RXFP1: variants seen among roughly 807,000 people sequenced by gnomAD.
RXFP1 encodes the protein relaxin family peptide receptor 1.
Under a neutral mutation model 89.8 loss-of-function variants are expected in RXFP1, and 73 were observed. The ratio of observed to expected loss-of-function variants is 0.81; its 90% CI spans 0.67 to 0.99. The LOEUF is 0.99. RXFP1 is among the 50% of genes least tolerant of loss of function. RXFP1 has a pLI of 0.00. For missense variants in RXFP1, 793 were observed against 895.5 expected (o/e 0.89, Z 1.46); for synonymous variants, 277 against 305.5 (o/e 0.91, Z 0.97).
At chr4:158,616,553 AT>A (rs150214475) in intron 8 of RXFP1, among the ~76,000 whole-genome samples, 37,694 of 133,164 alleles carry the variant, frequency 0.28, 5,470 homozygotes, top group Middle Eastern at 0.39. Context: ...GGTTTAGGCT[AT>A]TTTTTTTTTT....
At chr4:158,624,072 A>G (rs1766218947) in intron 9 of RXFP1, among the ~76,000 whole-genome samples, 1 of 152,126 alleles carries the variant, frequency 6.6e-6, no homozygotes, top group South Asian at 2.1e-4. Context: ...CCTAATCCTA[A>G]TAGATATGAA....
intron 1 of RXFP1, among the ~76,000 whole-genome samples, chr4:158,533,326 T>G (rs886085541): frequency 3.3e-5 from 5 of 152,206 alleles, no homozygotes; most frequent in South Asian, 2.1e-4. Context: ...CAGTCTAAAT[T>G]TCTAGTTTTA....
rs1230528178 is a variant in RXFP1 at position 158,652,042 on chromosome 4, A to G, written c.2261A>G (p.Asn754Ser). The G allele has an allele frequency of 2.5e-6, 4 of 1,610,806 alleles. No homozygotes were observed. In the African/African-American group the frequency reaches 5.3e-5, roughly 22 times the overall value. Residue 754 changes from asparagine (N) to serine (S), a missense_variant, in exon 18 of 18, where the codon AAT becomes AGT. By Grantham distance (46) the Asn-to-Ser change is conservative (BLOSUM62 1). Coordinates refer to ENST00000307765, the MANE Select transcript of RXFP1 (RefSeq NM_021634.4). ...MSLISQSTRLNSYS is the reference protein window; with the variant it reads ...MSLISQSTRLSSYS ...CTGATTTCTCAATCAACGAGACTCA[A>G]TTCCTATTCATGACTGACTCTGAAA... is the stretch of plus-strand genomic sequence containing the variant.
chr4:158,574,183 C>T (rs940926958), intron 2 of RXFP1, among the ~76,000 whole-genome samples: 2 of 152,120 alleles, frequency 1.3e-5, no homozygotes, highest in Non-Finnish European at 2.9e-5. Context: ...GATTTCTCAC[C>T]TGTCAAGAAA....
chr4:158,553,496 AG>A (rs1463753324), intron 1 of RXFP1, among the ~76,000 whole-genome samples: 4 of 152,118 alleles, frequency 2.6e-5, no homozygotes, highest in African/African-American at 9.7e-5. Context: ...ACAGAGGCAA[AG>A]ACAGCTCATC....
intron 4 of RXFP1, among the ~76,000 whole-genome samples, chr4:158,601,595 G>A (rs759437046): frequency 5.3e-5 from 8 of 152,262 alleles, no homozygotes; most frequent in South Asian, 2.1e-4. Context: ...AGACTCATAC[G>A]TAGTCCCAGT....
intron 1 of RXFP1, among the ~76,000 whole-genome samples, chr4:158,558,579 G>C (rs116250655): frequency 0.016 from 2,445 of 152,168 alleles, 34 homozygotes; most frequent in Non-Finnish European, 0.026. Flanking sequence ...GGTTGGTGGG[G>C]AGCCACAAAA....
chr4:158,533,492 C>T (rs77454249), intron 1 of RXFP1, among the ~76,000 whole-genome samples: 1 of 152,090 alleles, frequency 6.6e-6, no homozygotes, highest in Non-Finnish European at 1.5e-5. Flanking sequence ...CAAATCATAT[C>T]ATATCAAATT....
intron 1 of RXFP1, among the ~76,000 whole-genome samples, chr4:158,545,525 A>G (rs1191145640): frequency 1.3e-5 from 2 of 152,292 alleles, no homozygotes; most frequent in Non-Finnish European, 1.5e-5. Flanking sequence ...GTCCTTGCCC[A>G]TGCCTATGTC....
chr4:158,581,193 T>G (rs1757290582), intron 2 of RXFP1, among the ~76,000 whole-genome samples: 1 of 152,256 alleles, frequency 6.6e-6, no homozygotes, highest in Non-Finnish European at 1.5e-5. Flanking sequence ...TATATTTTTT[T>G]AGTATTTATT....
intron 17 of RXFP1, among the ~76,000 whole-genome samples, chr4:158,649,124 G>A (rs994463865): frequency 6.6e-6 from 1 of 151,724 alleles, no homozygotes; most frequent in African/African-American, 2.4e-5. Flanking sequence ...TGTAAAAATT[G>A]TAAGTCAGAG....
chr4:158,607,056 A>G (rs1048638135), intron 5 of RXFP1: 44 of 1,535,420 alleles, frequency 2.9e-5, no homozygotes, highest in East Asian at 1.2e-4. Context: ...AGGACACTCT[A>G]AAGAACAATG....
intron 1 of RXFP1, among the ~76,000 whole-genome samples, chr4:158,543,544 T>C (rs1020936343): frequency 1.3e-5 from 2 of 152,146 alleles, no homozygotes; most frequent in Non-Finnish European, 2.9e-5. Context: ...ACACAGTGTC[T>C]CCACAAACAA....
At chr4:158,563,894 TATAAC>T (rs1753009075) in intron 1 of RXFP1, among the ~76,000 whole-genome samples, 1 of 148,258 alleles carries the variant, frequency 6.7e-6, no homozygotes, top group Admixed American at 6.8e-5. Context: ...TTACATATTA[TATAAC>T]ATATTATATA....
chr4:158,522,929 A>G (rs886992586), intron 1 of RXFP1, among the ~76,000 whole-genome samples: 1 of 152,188 alleles, frequency 6.6e-6, no homozygotes, highest in African/African-American at 2.4e-5. Context: ...GGAATGTCTC[A>G]GGGTAACTTT....
chr4:158,556,795 A>G (rs1455213246), intron 1 of RXFP1, among the ~76,000 whole-genome samples: 1 of 152,214 alleles, frequency 6.6e-6, no homozygotes, highest in East Asian at 1.9e-4. Flanking sequence ...GGATGAACCT[A>G]GTGGACATTA....
chr4:158,584,748 C>A (rs7670971), intron 2 of RXFP1, among the ~76,000 whole-genome samples: 2 of 152,148 alleles, frequency 1.3e-5, no homozygotes, highest in African/African-American at 4.8e-5. Flanking sequence ...CCTAACCCCC[C>A]ACCCCAGAAA....
chr4:158,628,175 A>G (rs1767279054), intron 10 of RXFP1, among the ~76,000 whole-genome samples: 1 of 152,228 alleles, frequency 6.6e-6, no homozygotes, highest in African/African-American at 2.4e-5. Flanking sequence ...ATCCCAAATT[A>G]GAGATTCTTC....
At chr4:158,532,595 G>C (rs896382538) in intron 1 of RXFP1, among the ~76,000 whole-genome samples, 1 of 152,146 alleles carries the variant, frequency 6.6e-6, no homozygotes, top group African/African-American at 2.4e-5. Flanking sequence ...CTACTCATGA[G>C]GGTTAACTCA....
Sources: allele counts gnomAD v4.1 joint callset (sites outside exome capture counted in the v4.1 genomes callset), GRCh38; gene constraint gnomAD v4.1.1; transcripts MANE v1.5; gene names NCBI Gene and HGNC (gene_info 2026-07-23, HGNC 2026-07-21).